The following PRDM16 variants were observed in gnomAD, a reference collection of about 807,000 sequenced individuals.
The protein encoded by PRDM16 is histone-lysine N-methyltransferase PRDM16.
A neutral mutation model predicts 110.6 loss-of-function variants in PRDM16; 23 were observed. The observed-to-expected ratio is 0.21, with a 90% confidence interval of 0.15 to 0.29. The LOEUF is 0.29. Among genes scored for constraint, PRDM16 ranks in the 10% least tolerant of loss-of-function variants. The probability of loss-of-function intolerance (pLI) is 1.00; values close to 1 mark genes in which losing one functional copy is unlikely to be tolerated. For missense variants in PRDM16, 1,615 were observed against 1,794.3 expected, an observed-to-expected ratio of 0.90 and a Z score of 1.81; for synonymous variants, 799 against 781.8, an observed-to-expected ratio of 1.02 and a Z score of -0.37.
At chr1:3,422,846 C>T (rs1480761808) in intron 12 of PRDM16, among the ~76,000 whole-genome samples, 1 of 152,248 alleles carries the variant, frequency 6.6e-6, no homozygotes, top group Admixed American at 6.5e-5. Flanking sequence ...CTGCCTGTCA[C>T]TGGGCTGTGG....
Position 3,245,821 on chromosome 1 carries a change from A to C in PRDM16, c.438+1684A>C, listed in dbSNP as rs1251008411. ...CTGCAGTATTTTCACTTCCCACAAA[A>C]AGTGACCTGCAGTTAGTGCGAATCC... On this transcript the variant is annotated intron_variant, in intron 3 of 16. Coordinates refer to ENST00000270722, the MANE Select transcript of PRDM16 (RefSeq NM_022114.4). The surrounding 1 kb of genome is among the most constrained non-coding windows in gnomAD (Gnocchi z 4.7). Among the ~76,000 whole-genome samples, 1 of 152,056 alleles carries C rather than the reference A, an allele frequency of 6.6e-6. No individual in the cohort carries two copies. Among genetic ancestry groups the C allele is most frequent in the Non-Finnish European group, 1.5e-5 (1 of 68,014 alleles).
rs1639762701 is a variant in PRDM16, at chr1:3,245,091, G to T, written c.438+954G>T. On this transcript the variant is annotated intron_variant, in intron 3 of 16. Transcript: ENST00000270722. The surrounding 1 kb of genome is among the most constrained non-coding windows in gnomAD (Gnocchi z 4.7). ...GGCGGGGTGGGGCGGGGTGCACCAT[G>T]GGGGTTGCTGGCACAGAGGAGCCAG... 6.6e-6 allele frequency among the ~76,000 whole-genome samples: 1 copy of T among 152,158 alleles called. No homozygotes were observed. Among genetic ancestry groups the T allele is most frequent in the Non-Finnish European group, 1.5e-5 (1 of 68,026 alleles).
At chr1:3,117,919 C>A (rs1478113705) in intron 1 of PRDM16, among the ~76,000 whole-genome samples, 2 of 152,208 alleles carry the variant, frequency 1.3e-5, no homozygotes, top group Admixed American at 6.5e-5. Context: ...GGCAGGGCTT[C>A]CTGGTGCCGG....
rs765527381 is a variant in PRDM16, at chr1:3,417,911, C to T, written c.2775C>T (p.Leu925=). The T allele has an allele frequency of 1.9e-6, 3 of 1,604,534 alleles. No individual in the cohort carries two copies. Among genetic ancestry groups the T allele is most frequent in the East Asian group, 2.2e-5 (1 of 44,814 alleles). The change falls in exon 11 of 17, where the codon CTC becomes CTT. Residue 925 remains leucine, a synonymous_variant. Coordinates refer to ENST00000270722, the MANE Select transcript of PRDM16 (RefSeq NM_022114.4). ...KADSGSSLQP[L]PHHPFNFRSP... ...ACTCGGGCAGCTCCCTGCAGCCCCT[C>T]CCCCACCACCCCTTCAACTTCCGGT...
At chr1:3,249,008 C>T (rs1639861920) in intron 3 of PRDM16, among the ~76,000 whole-genome samples, 1 of 152,178 alleles carries the variant, frequency 6.6e-6, no homozygotes. Context: ...GAGGAGGCCA[C>T]ACACCCTGAG....
At chr1:3,218,075 C>T (rs1442604274) in intron 2 of PRDM16, among the ~76,000 whole-genome samples, 3 of 152,230 alleles carry the variant, frequency 2.0e-5, no homozygotes, top group Non-Finnish European at 2.9e-5. Flanking sequence ...CCCATCCCAT[C>T]CCTCGCCACA....
In PRDM16 at chr1:3,234,139, G is replaced by A. The variant is rs553352429; in HGVS notation, c.388-9948G>A. Among the ~76,000 whole-genome samples the A allele has an allele frequency of 3.3e-4, 50 of 152,270 alleles. No homozygotes were observed. The South Asian group carries it at 7.5e-3, about 23-fold the overall frequency. Reference sequence around the variant, plus strand: ...TTCAGGGCTTGGGCTCTTGGAACCCGGGCATGGGACTGTCGTGTTGATTTC... The same window carrying A: ...TTCAGGGCTTGGGCTCTTGGAACCCAGGCATGGGACTGTCGTGTTGATTTC... On this transcript the variant is annotated intron_variant, in intron 2 of 16. Coordinates refer to ENST00000270722, the MANE Select transcript of PRDM16 (RefSeq NM_022114.4).
At chr1:3,228,082 G>C (rs1639332735) in intron 2 of PRDM16, among the ~76,000 whole-genome samples, 1 of 152,388 alleles carries the variant, frequency 6.6e-6, no homozygotes, top group African/African-American at 2.4e-5. Flanking sequence ...TGGCGAGGCT[G>C]TCCCTGCCAG....
Position 3,423,972 on chromosome 1 carries a change from A to G in PRDM16, c.2940-1609A>G, listed in dbSNP as rs112993764. ...CGGGCGTTCTGATGACCAAGAGCACACACAAGTGTGCACACACAGGCATGG... is the reference window on the plus strand; with the variant it reads ...CGGGCGTTCTGATGACCAAGAGCACGCACAAGTGTGCACACACAGGCATGG... On this transcript the variant is annotated intron_variant, in intron 12 of 16. Coordinates refer to ENST00000270722, the MANE Select transcript of PRDM16 (RefSeq NM_022114.4). Among the ~76,000 whole-genome samples the G allele has an allele frequency of 1.5e-3, 233 of 152,378 alleles. 3 individuals are homozygous for G. The highest frequency in any genetic ancestry group is 5.4e-3 in the African/African-American group (225 of 41,598).
chr1:3,420,318 AG>A (rs1431536385), intron 12 of PRDM16, among the ~76,000 whole-genome samples: 2 of 152,122 alleles, frequency 1.3e-5, no homozygotes, highest in Non-Finnish European at 1.5e-5. Context: ...TTTAAATTGG[AG>A]GAGGGAAAGT....
intron 4 of PRDM16, chr1:3,394,584 C>G: frequency 2.7e-6 from 1 of 374,638 alleles, no homozygotes; most frequent in South Asian, 1.9e-5. Context: ...CCTCGAGAAG[C>G]CTCAGCCTCG....
At chr1:3,258,193 C>T (rs1177225898) in intron 3 of PRDM16, among the ~76,000 whole-genome samples, 1 of 152,196 alleles carries the variant, frequency 6.6e-6, no homozygotes, top group Non-Finnish European at 1.5e-5. Context: ...TGCCCGTGTC[C>T]TCCTGCGGTG....
At position 3,312,206 on chromosome 1, in the gene PRDM16, C is replaced by T. The variant is rs191355711; in HGVS notation, c.438+68069C>T. ...GCACAGAGCTCGGCCTGGCCCATCT[C>T]GGGCCCTCAGTGGACATCCATGGCG... On this transcript the variant is annotated intron_variant, in intron 3 of 16. Transcript: ENST00000270722. Among the ~76,000 whole-genome samples the T allele has an allele frequency of 2.3e-3, 352 of 152,344 alleles. 1 individual carries two copies. Among genetic ancestry groups the T allele is most frequent in the African/African-American group, 4.6e-3 (193 of 41,578 alleles).
chr1:3,072,834 G>T (rs942036338), intron 1 of PRDM16, among the ~76,000 whole-genome samples: 3 of 152,256 alleles, frequency 2.0e-5, no homozygotes, highest in African/African-American at 7.2e-5. Context: ...GGGGCTGGCC[G>T]CCAGGGCTTG....
At chr1:3,089,048 G>T (rs1236911538) in intron 1 of PRDM16, among the ~76,000 whole-genome samples, 3 of 152,210 alleles carry the variant, frequency 2.0e-5, no homozygotes, top group Non-Finnish European at 2.9e-5. Flanking sequence ...CTCCCAAAGT[G>T]CTGGGATTAC....
intron 2 of PRDM16, among the ~76,000 whole-genome samples, chr1:3,215,655 C>G (rs1282611708): frequency 2.0e-5 from 3 of 152,198 alleles, no homozygotes; most frequent in African/African-American, 7.2e-5. Context: ...TGCACGGTGG[C>G]TCCAGGCCAC....
intron 2 of PRDM16, among the ~76,000 whole-genome samples, chr1:3,240,750 G>A (rs970971568): frequency 5.3e-5 from 8 of 152,224 alleles, no homozygotes; most frequent in Non-Finnish European, 8.8e-5. Flanking sequence ...AGCCCTAAGC[G>A]CCTCTGCGTA....
At chr1:3,145,998 G>A (rs970759511) in intron 1 of PRDM16, among the ~76,000 whole-genome samples, 22 of 152,160 alleles carry the variant, frequency 1.4e-4, no homozygotes, top group African/African-American at 4.6e-4. Context: ...GCCTCACCGC[G>A]GGTATCAGGC....
intron 1 of PRDM16, among the ~76,000 whole-genome samples, chr1:3,138,283 G>A (rs1475584915): frequency 6.6e-6 from 1 of 152,236 alleles, no homozygotes; most frequent in Non-Finnish European, 1.5e-5. Context: ...AACAATGGCT[G>A]CCACAAGCCT....
Sources: allele counts gnomAD v4.1 joint callset (sites outside exome capture counted in the v4.1 genomes callset), GRCh38; gene constraint gnomAD v4.1.1; non-coding constraint Gnocchi (gnomAD v3.1); transcripts MANE v1.5; gene names NCBI Gene and HGNC (gene_info 2026-07-23, HGNC 2026-07-21).